DLGAP1: variants seen among roughly 807,000 people sequenced by gnomAD.
DLGAP1 encodes the protein DLG associated protein 1, also known as disks large-associated protein 1.
A neutral mutation model predicts 90.8 loss-of-function variants in DLGAP1; 11 were observed. The ratio of observed to expected loss-of-function variants is 0.12; its 90% CI spans 0.08 to 0.20. The LOEUF is 0.20. Ranked by LOEUF, DLGAP1 falls within the 10% of genes least tolerant of loss-of-function variation. The pLI, the probability that DLGAP1 is intolerant of heterozygous loss-of-function variation, is 1.00. For missense variants in DLGAP1, 1,050 were observed against 1,333.8 expected (o/e 0.79, Z 3.31); for synonymous variants, 558 against 540.7 (o/e 1.03, Z -0.44).
At chr18:3,716,628 T>C (rs914223976) in intron 7 of DLGAP1, among the ~76,000 whole-genome samples, 6 of 152,180 alleles carry the variant, frequency 3.9e-5, no homozygotes, top group African/African-American at 1.4e-4. Flanking sequence ...ACCATTTTGG[T>C]TCCAATATCA....
intron 1 of DLGAP1, among the ~76,000 whole-genome samples, chr18:4,219,381 C>T (rs2078029920): frequency 6.6e-6 from 1 of 151,856 alleles, no homozygotes; most frequent in African/African-American, 2.4e-5. Flanking sequence ...TGAATATTAG[C>T]CCCTTATCAG....
chr18:3,658,359 C>T (rs2059573074), intron 7 of DLGAP1, among the ~76,000 whole-genome samples: 1 of 152,212 alleles, frequency 6.6e-6, no homozygotes, highest in Admixed American at 6.5e-5. Flanking sequence ...CTGGCTCTTG[C>T]AAGCTGGTAT....
intron 3 of DLGAP1, among the ~76,000 whole-genome samples, chr18:3,939,132 GC>G (rs897276416): frequency 9.9e-5 from 15 of 151,076 alleles, no homozygotes; most frequent in African/African-American, 3.7e-4. Context: ...AAAAATGTGG[GC>G]CAGTGGCTTA....
chr18:4,299,517 C>A (rs2080072567), intron 1 of DLGAP1, among the ~76,000 whole-genome samples: 1 of 152,140 alleles, frequency 6.6e-6, no homozygotes, highest in African/African-American at 2.4e-5. Context: ...CTGTACAGAG[C>A]ATCTATGAAA....
chr18:4,235,923 GC>G (rs1332626123), intron 1 of DLGAP1, among the ~76,000 whole-genome samples: 9 of 151,506 alleles, frequency 5.9e-5, no homozygotes, highest in Non-Finnish European at 1.5e-5. Flanking sequence ...ACGGGGTTTG[GC>G]CAAGTTGGCC....
At chr18:3,656,694 A>T (rs116865844) in intron 7 of DLGAP1, among the ~76,000 whole-genome samples, 23 of 152,162 alleles carry the variant, frequency 1.5e-4, no homozygotes, top group Non-Finnish European at 2.9e-4. Context: ...TTCATGAAGC[A>T]AGTCAGTACC....
At chr18:3,591,458 T>G (rs2056242018) in intron 7 of DLGAP1, among the ~76,000 whole-genome samples, 1 of 151,914 alleles carries the variant, frequency 6.6e-6, no homozygotes, top group Non-Finnish European at 1.5e-5. Context: ...GAGGTCCAGG[T>G]GGGAGGATCT....
rs1568240576 is a variant in DLGAP1, at chr18:3,583,167, TACCTA to T, written c.1592-924_1592-920del. On this transcript the variant is annotated intron_variant, in intron 7 of 12. Coordinates refer to ENST00000315677, the MANE Select transcript of DLGAP1 (RefSeq NM_004746.4). ...CGACCTACCTACCTACCTACCTACCTACCTACCTACCTACCTACCTTCCTTCCTTC... is the reference window on the plus strand; with the variant it reads ...CGACCTACCTACCTACCTACCTACCTCCTACCTACCTACCTTCCTTCCTTC... Among the ~76,000 whole-genome samples, 682 of 111,036 alleles carry T rather than the reference TACCTA, an allele frequency of 6.1e-3. 6 individuals carry two copies. Among genetic ancestry groups the T allele is most frequent in the African/African-American group, 0.017 (582 of 34,902 alleles). 72.8% of individuals were successfully genotyped at this position (111,036 alleles called of 152,430 possible).
intron 7 of DLGAP1, among the ~76,000 whole-genome samples, chr18:3,650,974 GACAA>G (rs1476833675): frequency 7.2e-5 from 11 of 152,100 alleles, no homozygotes; most frequent in Admixed American, 2.0e-4. Context: ...GCTGAGGCAG[GACAA>G]TTGCTTGAAC....
At chr18:3,963,316 A>G (rs1273505849) in intron 3 of DLGAP1, among the ~76,000 whole-genome samples, 3 of 152,186 alleles carry the variant, frequency 2.0e-5, no homozygotes, top group African/African-American at 7.2e-5. Context: ...TCATAAATAT[A>G]AACCAGCAGA....
intron 2 of DLGAP1, among the ~76,000 whole-genome samples, chr18:4,069,709 C>T (rs1029945527): frequency 1.4e-4 from 22 of 152,134 alleles, no homozygotes; most frequent in African/African-American, 4.8e-4. Flanking sequence ...TCACGCTTCC[C>T]ATACCGTTTG....
At chr18:4,099,258 GTCTGTCTGTCTGTCTA>G (rs2075733461) in intron 2 of DLGAP1, among the ~76,000 whole-genome samples, 1 of 145,628 alleles carries the variant, frequency 6.9e-6, no homozygotes, top group Non-Finnish European at 1.5e-5. Context: ...CTGTCTGTCT[GTCTGTCTGTCTGTCTA>G]TCTATCTATC....
intron 1 of DLGAP1, among the ~76,000 whole-genome samples, chr18:4,191,442 C>A (rs904207141): frequency 3.2e-4 from 48 of 152,220 alleles, no homozygotes; most frequent in African/African-American, 1.0e-3. Flanking sequence ...AATTATAACT[C>A]AAAAATATAT....
intron 5 of DLGAP1, among the ~76,000 whole-genome samples, chr18:3,805,828 G>A (rs1006232227): frequency 1.3e-5 from 2 of 152,222 alleles, no homozygotes; most frequent in Middle Eastern, 3.2e-3. Context: ...GGCCTTGGAA[G>A]TTTTCTCTAA....
intron 2 of DLGAP1, among the ~76,000 whole-genome samples, chr18:4,115,282 G>A (rs984732755): frequency 6.7e-6 from 1 of 149,698 alleles, no homozygotes; most frequent in Non-Finnish European, 1.5e-5. Flanking sequence ...TGTATATTGA[G>A]CTAAATATGT....
chr18:3,765,403 T>C (rs1405949780), intron 5 of DLGAP1, among the ~76,000 whole-genome samples: 1 of 151,194 alleles, frequency 6.6e-6, no homozygotes, highest in Non-Finnish European at 1.5e-5. Flanking sequence ...GTGCTGGGAT[T>C]ACAGGCGTGA....
In DLGAP1 at chr18:4,110,547, A is replaced by G. The variant is rs866900270; in HGVS notation, c.-159+40633T>C. On this transcript the variant is annotated intron_variant, in intron 2 of 12. Transcript: ENST00000315677. ...CAGGCAGTTTCCAAGTTATGAATAT[A>G]TCAGGTCCCCATAGTTTACTTTTCA... 9.8e-5 allele frequency among the ~76,000 whole-genome samples: 15 copies of G among 152,326 alleles called. No individual in the cohort carries two copies. In the South Asian group the frequency reaches 3.1e-3, roughly 32 times the overall value.
intron 1 of DLGAP1, among the ~76,000 whole-genome samples, chr18:4,369,916 G>A (rs2081878833): frequency 6.6e-6 from 1 of 151,998 alleles, no homozygotes; most frequent in African/African-American, 2.4e-5. Context: ...GGCCAGGAAG[G>A]GGACCCAGCT....
At chr18:4,114,610 C>T (rs1375576932) in intron 2 of DLGAP1, among the ~76,000 whole-genome samples, 4 of 151,784 alleles carry the variant, frequency 2.6e-5, no homozygotes, top group Non-Finnish European at 4.4e-5. Flanking sequence ...TTTCTTTTTT[C>T]GTGTCTGGTT....
Sources: allele counts gnomAD v4.1 joint callset (sites outside exome capture counted in the v4.1 genomes callset), GRCh38; gene constraint gnomAD v4.1.1; transcripts MANE v1.5; gene names NCBI Gene and HGNC (gene_info 2026-07-23, HGNC 2026-07-21).